The following RNF111 variants were observed in gnomAD, a reference collection of about 807,000 sequenced individuals.
RNF111 encodes ring finger protein 111.
A neutral mutation model predicts 95.1 loss-of-function variants in RNF111; 17 were observed. The ratio of observed to expected loss-of-function variants is 0.18; its 90% confidence interval spans 0.12 to 0.27. The LOEUF is 0.27. Among genes scored for constraint, RNF111 ranks in the 10% least tolerant of loss-of-function variants. RNF111 has a pLI of 1.00. For synonymous variants in RNF111, 440 were observed against 414.8 expected (o/e 1.06, Z -0.74); for missense variants, 1,189 against 1,210.4 (o/e 0.98, Z 0.26).
At chr15:59,059,774 A>G (rs2042356128) in intron 5 of RNF111, among the ~76,000 whole-genome samples, 1 of 151,990 alleles carries the variant, frequency 6.6e-6, no homozygotes, top group Non-Finnish European at 1.5e-5. Flanking sequence ...ACTTTCTTTC[A>G]TTTTTGGATA....
intron 2 of RNF111, among the ~76,000 whole-genome samples, chr15:59,042,203 T>G (rs1197090672): frequency 6.6e-6 from 1 of 152,090 alleles, no homozygotes; most frequent in Admixed American, 6.6e-5. Context: ...CTCGGCTCAT[T>G]GCAACCTCAG....
At chr15:59,011,482 T>C (rs761649614) in intron 1 of RNF111, among the ~76,000 whole-genome samples, 3 of 152,216 alleles carry the variant, frequency 2.0e-5, no homozygotes, top group African/African-American at 4.8e-5. Flanking sequence ...GGTAATGAAA[T>C]GCCACAGATG....
intron 1 of RNF111, among the ~76,000 whole-genome samples, chr15:59,002,845 T>A (rs2039383628): frequency 6.6e-6 from 1 of 152,192 alleles, no homozygotes; most frequent in South Asian, 2.1e-4. Flanking sequence ...GTCTTTCCTA[T>A]TTTTTCTCTC....
At chr15:59,076,919 G>T (rs1364776650) in intron 7 of RNF111, among the ~76,000 whole-genome samples, 3 of 152,114 alleles carry the variant, frequency 2.0e-5, no homozygotes, top group Non-Finnish European at 4.4e-5. Flanking sequence ...GTTTTGTTTT[G>T]ATTACATGGC....
chr15:59,058,444 G>A lies in RNF111; in HGVS notation c.1260G>A (p.Glu420=). The change falls in exon 5 of 14, where the codon GAG becomes GAA. Residue 420 remains glutamate (E), a synonymous_variant. Coordinates refer to ENST00000348370, the MANE Select transcript of RNF111 (RefSeq NM_017610.8). ...ACAATTCAAATCCATCTACCTCTGA[G>A]CAGGCCTCTGATACTGCTTCAGCTG... The part of the protein sequence containing the change: ...SINNSNPSTS[E]QASDTASAVT... 6.2e-7 allele frequency: 1 copy of A among 1,614,018 alleles called. No individual in the cohort carries two copies. Among genetic ancestry groups the A allele is most frequent in the Non-Finnish European group, 8.5e-7 (1 of 1,179,992 alleles).
chr15:59,030,468 G>A (rs950920326), intron 1 of RNF111, among the ~76,000 whole-genome samples: 1 of 152,114 alleles, frequency 6.6e-6, no homozygotes, highest in Admixed American at 6.5e-5. Flanking sequence ...ACTGAAATAG[G>A]TTTTGAAGTA....
At chr15:59,092,374 T>A (rs1457518229) in intron 12 of RNF111, 163 bp from the exon 13 acceptor site, 5 of 559,460 alleles carry the variant, frequency 8.9e-6, no homozygotes, top group Non-Finnish European at 1.1e-5. Context: ...TTGATGATAG[T>A]CACTTAATTC....
chr15:59,067,241 CTTTTT>C (rs60929391), intron 6 of RNF111, among the ~76,000 whole-genome samples, 158 bp downstream of exon 6: 1,848 of 141,244 alleles, frequency 0.013, 34 homozygotes, highest in Non-Finnish European at 0.019. Context: ...CCTCCGTTTC[CTTTTT>C]TTTTTTTTAA....
intron 1 of RNF111, among the ~76,000 whole-genome samples, chr15:58,997,739 C>A (rs534382571): frequency 1.3e-5 from 2 of 150,914 alleles, no homozygotes; most frequent in East Asian, 2.0e-4. Context: ...TGGCTTGAAC[C>A]CGGGAGGCAG....
intron 6 of RNF111, among the ~76,000 whole-genome samples, chr15:59,070,804 G>A (rs1337541454): frequency 6.6e-6 from 1 of 152,058 alleles, no homozygotes; most frequent in African/African-American, 2.4e-5. Context: ...AGAATGCTGT[G>A]GTTCCTCTCG....
chr15:59,060,808 T>TTA (rs201788839), intron 5 of RNF111, among the ~76,000 whole-genome samples: 1 of 110,652 alleles, frequency 9.0e-6, no homozygotes, highest in Admixed American at 1.1e-4. Context: ...ATTATTATTA[T>TTA]TTTTTTTTTT....
At chr15:58,995,307 A>T (rs1227164441) in intron 1 of RNF111, among the ~76,000 whole-genome samples, 1 of 152,188 alleles carries the variant, frequency 6.6e-6, no homozygotes, top group Non-Finnish European at 1.5e-5. Flanking sequence ...AGGAAGAGAC[A>T]TTCTTTTATC....
chr15:59,034,343 A>G (rs776903441), intron 2 of RNF111, among the ~76,000 whole-genome samples: 1 of 152,204 alleles, frequency 6.6e-6, no homozygotes, highest in African/African-American at 2.4e-5. Flanking sequence ...ATGCATTGAA[A>G]ATGTTGTTGG....
At chr15:59,060,781 G>A (rs1424626002) in intron 5 of RNF111, among the ~76,000 whole-genome samples, 1 of 148,388 alleles carries the variant, frequency 6.7e-6, no homozygotes, top group Admixed American at 6.8e-5. Context: ...GTAGCTTTAT[G>A]TAGCATTATT....
chr15:59,002,874 T>C (rs1412402318), intron 1 of RNF111, among the ~76,000 whole-genome samples: 2 of 152,244 alleles, frequency 1.3e-5, no homozygotes, highest in Non-Finnish European at 2.9e-5. Context: ...ACTCTTCCTC[T>C]AGAATTGTGT....
At position 59,075,939 on chromosome 15, in the gene RNF111, T is replaced by C. The variant is rs377013840; in HGVS notation, c.1687-15T>C. On this transcript the variant is annotated splice_polypyrimidine_tract_variant and intron_variant, in intron 6 of 13. Coordinates refer to ENST00000348370, the MANE Select transcript of RNF111 (RefSeq NM_017610.8). ...CAAACTTTAGAAAGATAAAATATACTTCCTTTTTATCTAGCAGGCATTGCC... is the reference window on the plus strand; with the variant it reads ...CAAACTTTAGAAAGATAAAATATACCTCCTTTTTATCTAGCAGGCATTGCC... 6.2e-7 allele frequency: 1 copy of C among 1,611,564 alleles called. No individual in the cohort carries two copies. Among genetic ancestry groups the C allele is most frequent in the Non-Finnish European group, 8.5e-7 (1 of 1,178,006 alleles).
At chr15:59,005,762 C>T (rs947871411) in intron 1 of RNF111, among the ~76,000 whole-genome samples, 2 of 152,218 alleles carry the variant, frequency 1.3e-5, no homozygotes, top group South Asian at 4.2e-4. Flanking sequence ...TTTGCCTGGA[C>T]GATTTCTAAA....
intron 8 of RNF111, among the ~76,000 whole-genome samples, chr15:59,083,390 T>C (rs989716802): frequency 2.0e-5 from 3 of 151,950 alleles, no homozygotes; most frequent in Non-Finnish European, 4.4e-5. Context: ...ATACAAAAAT[T>C]AGCTGGGCGT....
chr15:59,074,845 T>C (rs1451126700), intron 6 of RNF111, among the ~76,000 whole-genome samples: 3 of 152,178 alleles, frequency 2.0e-5, no homozygotes, highest in East Asian at 1.9e-4. Context: ...CTTAATCATT[T>C]CTCGGTTTTG....
Sources: allele counts gnomAD v4.1 joint callset (sites outside exome capture counted in the v4.1 genomes callset), GRCh38; gene constraint gnomAD v4.1.1; transcripts MANE v1.5; gene names NCBI Gene and HGNC (gene_info 2026-07-23, HGNC 2026-07-21).